ADAMTSL1: variants seen among roughly 807,000 people sequenced by gnomAD.
The protein encoded by ADAMTSL1 is ADAMTS-like protein 1.
In ADAMTSL1, 126 loss-of-function variants were observed where a neutral mutation model predicts 201.8. The ratio of observed to expected loss-of-function variants is 0.62; its 90% CI spans 0.54 to 0.72. The LOEUF (loss-of-function observed/expected upper bound fraction) is 0.72, where lower values mean the gene tolerates loss of function less well. Ranked by LOEUF, ADAMTSL1 falls within the 30% of genes least tolerant of loss-of-function variation. ADAMTSL1 has a pLI of 0.00. For missense variants in ADAMTSL1, 2,679 were observed against 2,277.8 expected, an observed-to-expected ratio of 1.18 and a Z score of -3.59; for synonymous variants, 1,121 against 903.4, an observed-to-expected ratio of 1.24 and a Z score of -4.32.
At chr9:18,196,189 C>A (rs1829170364) in intron 2 of ADAMTSL1, among the ~76,000 whole-genome samples, 1 of 152,064 alleles carries the variant, frequency 6.6e-6, no homozygotes, top group Non-Finnish European at 1.5e-5. Flanking sequence ...ATTCCCCTTT[C>A]TTCCTACCCA....
chr9:17,922,564 G>C (rs1563896974), intron 1 of ADAMTSL1, among the ~76,000 whole-genome samples: 1 of 152,202 alleles, frequency 6.6e-6, no homozygotes, highest in Admixed American at 6.5e-5. Flanking sequence ...AACCACAGAG[G>C]ATTCAGACAC....
chr9:18,269,110 C>A (rs1002793622), intron 2 of ADAMTSL1, among the ~76,000 whole-genome samples: 1 of 151,998 alleles, frequency 6.6e-6, no homozygotes, highest in Non-Finnish European at 1.5e-5. Flanking sequence ...TTTTAGTAAG[C>A]ATTTACCTAA....
At chr9:18,328,359 A>G (rs558385744) in intron 2 of ADAMTSL1, among the ~76,000 whole-genome samples, 7 of 152,322 alleles carry the variant, frequency 4.6e-5, no homozygotes, top group African/African-American at 1.4e-4. Flanking sequence ...CTCTTTTTCT[A>G]TATTCAATGT....
At chr9:18,679,918 G>A (rs548409267) in intron 10 of ADAMTSL1, among the ~76,000 whole-genome samples, 1 of 152,158 alleles carries the variant, frequency 6.6e-6, no homozygotes, top group South Asian at 2.1e-4. Flanking sequence ...TGTTAACTGA[G>A]TATACCACTT....
intron 1 of ADAMTSL1, among the ~76,000 whole-genome samples, chr9:18,048,690 G>T (rs1821783201): frequency 6.6e-6 from 1 of 152,198 alleles, no homozygotes; most frequent in African/African-American, 2.4e-5. Context: ...GGGTTTGACA[G>T]CCAGAAAGGT....
intron 15 of ADAMTSL1, among the ~76,000 whole-genome samples, chr9:18,740,227 C>A (rs1001870584): frequency 6.6e-6 from 1 of 152,098 alleles, no homozygotes; most frequent in Non-Finnish European, 1.5e-5. Flanking sequence ...GCCATTCCAG[C>A]ACTCAGCGGA....
chr9:17,938,963 T>A (rs943471737), intron 1 of ADAMTSL1, among the ~76,000 whole-genome samples: 1 of 152,178 alleles, frequency 6.6e-6, no homozygotes, highest in African/African-American at 2.4e-5. Flanking sequence ...CTAATGCCTC[T>A]GTGCCTGTTG....
At chr9:18,246,842 G>A (rs1047675723) in intron 2 of ADAMTSL1, among the ~76,000 whole-genome samples, 4 of 152,110 alleles carry the variant, frequency 2.6e-5, no homozygotes, top group Non-Finnish European at 5.9e-5. Context: ...CCTTCAGAAA[G>A]AATGGGCATT....
At chr9:18,096,123 G>A (rs1246199948) in intron 1 of ADAMTSL1, among the ~76,000 whole-genome samples, 1 of 152,036 alleles carries the variant, frequency 6.6e-6, no homozygotes, top group Non-Finnish European at 1.5e-5. Flanking sequence ...AACAATACTA[G>A]TATTACCACT....
intron 1 of ADAMTSL1, among the ~76,000 whole-genome samples, chr9:18,023,378 CAG>C (rs1356622513): frequency 2.6e-5 from 4 of 152,164 alleles, no homozygotes; most frequent in African/African-American, 9.6e-5. Flanking sequence ...TCATCTAGGA[CAG>C]TGTTTCTGTG....
At chr9:18,590,984 A>G (rs1823875048) in intron 4 of ADAMTSL1, among the ~76,000 whole-genome samples, 1 of 152,180 alleles carries the variant, frequency 6.6e-6, no homozygotes, top group African/African-American at 2.4e-5. Context: ...ATGTGTTGAT[A>G]GGAAAAGTAT....
chr9:18,459,020 C>T (rs1365238562), intron 2 of ADAMTSL1, among the ~76,000 whole-genome samples: 1 of 152,090 alleles, frequency 6.6e-6, no homozygotes, highest in Non-Finnish European at 1.5e-5. Flanking sequence ...CTAAAATTTT[C>T]TAGAATTATA....
intron 1 of ADAMTSL1, among the ~76,000 whole-genome samples, chr9:17,978,566 A>G (rs953013336): frequency 4.6e-5 from 7 of 151,650 alleles, no homozygotes; most frequent in African/African-American, 1.7e-4. Flanking sequence ...TGAAAACACT[A>G]TACTTTTTAT....
chr9:18,643,292 T>G (rs1280761147), intron 7 of ADAMTSL1, among the ~76,000 whole-genome samples: 3 of 152,154 alleles, frequency 2.0e-5, no homozygotes, highest in Non-Finnish European at 4.4e-5. Flanking sequence ...TTGAGTTGTT[T>G]GAGTTTCTTG....
chr9:18,074,483 TTTCTTTTCTTTTCTTTTCTTTTCTTTTC>T lies in ADAMTSL1; in HGVS notation c.88-89353_88-89326del, dbSNP rs1393186999. ...TTCACCACACTGTGTTTTCTTTTCT[TTTCTTTTCTTTTCTTTTCTTTTCTTTTC>T]TTCTTTTCTTTTCTTTTCTTTTCTT... On this transcript the variant is annotated intron_variant, in intron 1 of 29. Coordinates refer to the ADAMTSL1 transcript ENST00000680146. 1.9e-3 allele frequency among the ~76,000 whole-genome samples: 162 copies of T among 87,450 alleles called. 2 individuals carry two copies. The highest frequency in any genetic ancestry group is 3.2e-3 in the African/African-American group (66 of 20,574). The allele number at this position is 87,450 out of a possible 152,430, so 57.4% of individuals were successfully genotyped here.
At chr9:18,688,689 A>AATAT (rs1554730405) in intron 13 of ADAMTSL1, among the ~76,000 whole-genome samples, 485 of 8,612 alleles carry the variant, frequency 0.056, 43 homozygotes, top group Non-Finnish European at 0.085. Context: ...AAAAAAAAAA[A>AATAT]ATATATATAT....
rs1820257948 is a variant in ADAMTSL1 at position 18,447,909 on chromosome 9, T to G, written c.208-56920T>G. ...TCGAGCACACATGGTTGTGCATTTG[T>G]GGGATGTGAGCAATTTGGTTTGGTT... On this transcript the variant is annotated intron_variant, in intron 2 of 29. Transcript: ENST00000680146. 1.3e-5 allele frequency among the ~76,000 whole-genome samples: 2 copies of G among 152,166 alleles called. 1 individual carries two copies. Among genetic ancestry groups the G allele is most frequent in the South Asian group, 4.1e-4 (2 of 4,830 alleles).
At chr9:18,204,355 C>A (rs1412928464) in intron 2 of ADAMTSL1, among the ~76,000 whole-genome samples, 2 of 152,098 alleles carry the variant, frequency 1.3e-5, no homozygotes, top group Non-Finnish European at 2.9e-5. Context: ...CTTCTCCTTC[C>A]TGCCACCTTG....
At chr9:18,778,134 A>G (rs1334999207) in intron 19 of ADAMTSL1, among the ~76,000 whole-genome samples, 1 of 152,258 alleles carries the variant, frequency 6.6e-6, no homozygotes, top group African/African-American at 2.4e-5. Context: ...ATAAGGAAAT[A>G]GCAACATTGC....
Sources: allele counts gnomAD v4.1 joint callset (sites outside exome capture counted in the v4.1 genomes callset), GRCh38; gene constraint gnomAD v4.1.1; transcripts MANE v1.5; gene names NCBI Gene and HGNC (gene_info 2026-07-23, HGNC 2026-07-21).